FSTL5: variants seen among roughly 807,000 people sequenced by gnomAD.
FSTL5 encodes the protein follistatin like 5, also known as follistatin-related protein 5.
FSTL5 carries 62 observed loss-of-function variants against 89.1 expected under a neutral mutation model. That is an observed-to-expected ratio of 0.70 (90% confidence interval 0.57 to 0.86). The LOEUF is 0.86. FSTL5 is among the 40% of genes least tolerant of loss of function. FSTL5 has a pLI of 0.00. For synonymous variants in FSTL5, 383 were observed against 346.2 expected, an observed-to-expected ratio of 1.11 and a Z score of -1.18; for missense variants, 1,057 against 1,001.6, an observed-to-expected ratio of 1.06 and a Z score of -0.75.
chr4:161,792,918 C>A (rs554147811), intron 4 of FSTL5, among the ~76,000 whole-genome samples: 1 of 152,358 alleles, frequency 6.6e-6, no homozygotes, highest in East Asian at 1.9e-4. Flanking sequence ...TGCCACGTTG[C>A]TGGTGACAAG....
chr4:161,715,456 A>G (rs1276442854), intron 6 of FSTL5, among the ~76,000 whole-genome samples: 1 of 152,044 alleles, frequency 6.6e-6, no homozygotes, highest in African/African-American at 2.4e-5. Flanking sequence ...CATTTAGCCT[A>G]TATCCTTTGC....
chr4:161,916,990 C>G (rs1423233068), intron 4 of FSTL5, among the ~76,000 whole-genome samples: 2 of 152,174 alleles, frequency 1.3e-5, no homozygotes, highest in Non-Finnish European at 2.9e-5. Flanking sequence ...CTCTGCCACC[C>G]AGGCTAGAGT....
chr4:161,748,722 A>C (rs1365908482), intron 6 of FSTL5, among the ~76,000 whole-genome samples: 1 of 151,794 alleles, frequency 6.6e-6, no homozygotes, highest in East Asian at 1.9e-4. Flanking sequence ...TTACTAAAAT[A>C]AGATTATTTT....
intron 13 of FSTL5, 51 bp downstream of exon 13, chr4:161,480,969 T>C (rs1398817565): frequency 2.4e-6 from 3 of 1,254,216 alleles, no homozygotes; most frequent in Non-Finnish European, 3.4e-6. Context: ...ACTACAATGA[T>C]ATAAATATTT....
intron 2 of FSTL5, among the ~76,000 whole-genome samples, chr4:162,091,893 T>C (rs1194702278): frequency 6.6e-6 from 1 of 151,404 alleles, no homozygotes; most frequent in African/African-American, 2.4e-5. Context: ...TATATTCCTC[T>C]ATAAGGTAAT....
intron 4 of FSTL5, among the ~76,000 whole-genome samples, chr4:161,851,660 A>G (rs1159579506): frequency 6.6e-6 from 1 of 152,118 alleles, no homozygotes; most frequent in African/African-American, 2.4e-5. Context: ...TTTAAACACT[A>G]TTAGAATATT....
intron 2 of FSTL5, among the ~76,000 whole-genome samples, chr4:162,058,779 T>C (rs1209205290): frequency 6.6e-6 from 1 of 152,102 alleles, no homozygotes; most frequent in African/African-American, 2.4e-5. Flanking sequence ...GCAATTAAAA[T>C]GGAGTTAGAT....
intron 4 of FSTL5, among the ~76,000 whole-genome samples, chr4:161,915,874 A>G (rs1454671283): frequency 6.6e-6 from 1 of 152,202 alleles, no homozygotes; most frequent in Non-Finnish European, 1.5e-5. Flanking sequence ...AGGCTGTATT[A>G]ACATAAAACA....
intron 15 of FSTL5, among the ~76,000 whole-genome samples, chr4:161,423,061 T>C (rs527318333): frequency 6.6e-6 from 1 of 152,300 alleles, no homozygotes; most frequent in East Asian, 1.9e-4. Context: ...AGACTATAAC[T>C]TTTTTTCACT....
At chr4:162,055,518 T>C (rs1738511076) in intron 2 of FSTL5, among the ~76,000 whole-genome samples, 1 of 117,242 alleles carries the variant, frequency 8.5e-6, no homozygotes. Flanking sequence ...AGATGATAGA[T>C]AGAGGATGAT....
intron 6 of FSTL5, among the ~76,000 whole-genome samples, chr4:161,670,743 G>A (rs905621600): frequency 6.6e-6 from 1 of 152,154 alleles, no homozygotes; most frequent in Admixed American, 6.5e-5. Context: ...ATTGAACACT[G>A]GCTGTTCATT....
chr4:161,441,689 T>C (rs1732767527), intron 15 of FSTL5, among the ~76,000 whole-genome samples: 1 of 152,156 alleles, frequency 6.6e-6, no homozygotes, highest in Non-Finnish European at 1.5e-5. Flanking sequence ...AAATAGGTTC[T>C]CTAAACCCTA....
At chr4:162,060,394 T>C (rs986443090) in intron 2 of FSTL5, among the ~76,000 whole-genome samples, 1 of 152,148 alleles carries the variant, frequency 6.6e-6, no homozygotes, top group Non-Finnish European at 1.5e-5. Context: ...ATTTCTCTAA[T>C]ATAATTTTAG....
At chr4:161,438,987 C>A (rs1732670572) in intron 15 of FSTL5, among the ~76,000 whole-genome samples, 1 of 151,010 alleles carries the variant, frequency 6.6e-6, no homozygotes. Context: ...ACATTGACAA[C>A]TGTAAGGGAC....
At chr4:161,455,703 A>T (rs1733330606) in intron 14 of FSTL5, among the ~76,000 whole-genome samples, 1 of 152,164 alleles carries the variant, frequency 6.6e-6, no homozygotes, top group Admixed American at 6.5e-5. Context: ...TTTAAAGAAA[A>T]GGTCAACTAC....
Position 161,660,240 on chromosome 4 carries a change from G to A in FSTL5, c.728-3746C>T, listed in dbSNP as rs1349086672. Among the ~76,000 whole-genome samples, 5 of 152,208 alleles carry A rather than the reference G, an allele frequency of 3.3e-5. 1 individual carries two copies. The East Asian group carries it at 7.7e-4, about 24-fold the overall frequency. ...GGCAAGTAAAATACTTTCACACTGT[G>A]AATCCTTCTCTATGCTTTCTCATTT... On this transcript the variant is annotated intron_variant, in intron 6 of 15. Transcript: ENST00000306100.
chr4:162,105,663 C>T (rs532909731), intron 2 of FSTL5, among the ~76,000 whole-genome samples: 169 of 151,808 alleles, frequency 1.1e-3, no homozygotes, highest in African/African-American at 3.9e-3. Flanking sequence ...AATATTCAGC[C>T]TTTTTGGTAT....
chr4:161,530,929 GT>G (rs958447606), intron 10 of FSTL5, among the ~76,000 whole-genome samples: 1 of 152,030 alleles, frequency 6.6e-6, no homozygotes, highest in African/African-American at 2.4e-5. Context: ...TGTACAAGAC[GT>G]TTTCAAATAA....
At chr4:161,677,946 C>G (rs188736123) in intron 6 of FSTL5, among the ~76,000 whole-genome samples, 95 of 151,668 alleles carry the variant, frequency 6.3e-4, no homozygotes, top group African/African-American at 2.1e-3. Context: ...TTATGCCACA[C>G]ACCATAGATA....
Sources: gnomAD v4.1 joint callset for allele counts (sites outside exome capture counted in the v4.1 genomes callset) on GRCh38, gnomAD v4.1.1 for gene constraint, MANE v1.5 for transcripts, NCBI Gene and HGNC (gene_info 2026-07-23, HGNC 2026-07-21) for gene names.